RBFOX2: variants seen among roughly 807,000 people sequenced by gnomAD.
RBFOX2 encodes RNA binding fox-1 homolog 2.
RBFOX2 carries 10 observed loss-of-function variants against 49.1 expected under a neutral mutation model. The ratio of observed to expected loss-of-function variants is 0.20; its 90% CI spans 0.13 to 0.35. RBFOX2 has a LOEUF of 0.35. Among genes scored for constraint, RBFOX2 ranks in the 10% least tolerant of loss-of-function variants. The probability of loss-of-function intolerance (pLI) is 1.00; values close to 1 mark genes in which losing one functional copy is unlikely to be tolerated. For synonymous variants in RBFOX2, 183 were observed against 187.4 expected (o/e 0.98, Z 0.19); for missense variants, 323 against 486.9 (o/e 0.66, Z 3.17).
chr22:35,876,770 C>T (rs2045159725), intron 1 of RBFOX2, among the ~76,000 whole-genome samples: 1 of 150,442 alleles, frequency 6.6e-6, no homozygotes, highest in East Asian at 1.9e-4. Context: ...TGTTTCTAGA[C>T]CAGATATCAC....
chr22:35,820,158 G>C (rs1193786827), intron 1 of RBFOX2, among the ~76,000 whole-genome samples: 1 of 152,154 alleles, frequency 6.6e-6, no homozygotes, highest in Admixed American at 6.5e-5. Context: ...AGCCACTGCA[G>C]GGAGGTTAGC....
rs536660931 is a variant in RBFOX2 at position 35,852,866 on chromosome 22, T to G, written c.-33-42862A>C. On this transcript the variant is annotated intron_variant, in intron 1 of 13. Coordinates refer to the RBFOX2 transcript ENST00000359369. ...AGATGAAAGACTGTAATTCAAATCC[T>G]AAAACAACTGACATAATTTAAGCAT... Among the ~76,000 whole-genome samples the G allele has an allele frequency of 3.9e-5, 6 of 152,330 alleles. No homozygotes were observed. In the East Asian group the frequency reaches 1.2e-3, roughly 29 times the overall value.
At chr22:36,002,848 A>G (rs1445859367) in intron 1 of RBFOX2, among the ~76,000 whole-genome samples, 2 of 152,214 alleles carry the variant, frequency 1.3e-5, no homozygotes, top group African/African-American at 4.8e-5. Flanking sequence ...CTGGTCTCAA[A>G]CTTCTGACCT....
At chr22:36,005,788 G>C (rs555410179) in intron 1 of RBFOX2, among the ~76,000 whole-genome samples, 7 of 152,340 alleles carry the variant, frequency 4.6e-5, no homozygotes, top group Admixed American at 4.6e-4. Context: ...TAGCAAAGTA[G>C]AGCCAATCGT....
intron 2 of RBFOX2, among the ~76,000 whole-genome samples, chr22:35,802,866 C>T (rs984396591): frequency 1.3e-5 from 2 of 152,108 alleles, no homozygotes; most frequent in African/African-American, 4.8e-5. Context: ...GAGGTCTCAA[C>T]AGAAAGAAAA....
exon 1 of RBFOX2, chr22:35,840,232 A>G: frequency 6.2e-7 from 1 of 1,614,212 alleles, no homozygotes; most frequent in Non-Finnish European, 8.5e-7. Context: ...CCAAACGGAT[A>G]GATGATAAAC....
At chr22:35,775,489 C>T (rs1450084266) in intron 4 of RBFOX2, among the ~76,000 whole-genome samples, 2 of 152,142 alleles carry the variant, frequency 1.3e-5, no homozygotes, top group Non-Finnish European at 2.9e-5. Context: ...AGAGAAAGCT[C>T]ATGTCATTAC....
At chr22:35,782,016 A>C (rs9622286) in intron 2 of RBFOX2, among the ~76,000 whole-genome samples, 4,244 of 152,322 alleles carry the variant, frequency 0.028, 113 homozygotes, top group Admixed American at 0.087. Context: ...GGAAGTACTA[A>C]GTGACTTGCC....
intron 1 of RBFOX2, among the ~76,000 whole-genome samples, chr22:35,892,611 T>C (rs2047380293): frequency 6.6e-6 from 1 of 152,214 alleles, no homozygotes; most frequent in Non-Finnish European, 1.5e-5. Context: ...TTTTCTAGAA[T>C]ACTCAGAAAG....
intron 1 of RBFOX2, chr22:35,897,747 AT>A: frequency 1.3e-6 from 1 of 783,866 alleles, no homozygotes; most frequent in Admixed American, 1.7e-5. Flanking sequence ...ACCAACACAT[AT>A]TTGCAAAATA....
At chr22:35,813,835 A>G (rs1459733110) in intron 1 of RBFOX2, among the ~76,000 whole-genome samples, 1 of 152,232 alleles carries the variant, frequency 6.6e-6, no homozygotes, top group Non-Finnish European at 1.5e-5. Context: ...GCTAGAGAGC[A>G]TAACAAGGGA....
chr22:35,956,166 T>A (rs1203749173), intron 1 of RBFOX2, among the ~76,000 whole-genome samples: 2 of 152,174 alleles, frequency 1.3e-5, no homozygotes, highest in East Asian at 3.9e-4. Context: ...TGTTGACACA[T>A]CTCATTATAT....
At chr22:35,993,256 G>C (rs988566260) in intron 1 of RBFOX2, 3 of 152,182 alleles carry the variant, frequency 2.0e-5, no homozygotes, top group African/African-American at 7.2e-5. Flanking sequence ...TACTGAAATA[G>C]CAGCTGAGGG....
intron 4 of RBFOX2, among the ~76,000 whole-genome samples, chr22:35,777,403 C>T (rs1214858886): frequency 6.6e-6 from 1 of 152,162 alleles, no homozygotes; most frequent in African/African-American, 2.4e-5. Flanking sequence ...ACACTTACTA[C>T]TTTCATTCTT....
chr22:35,970,103 A>G (rs757951053), intron 1 of RBFOX2, among the ~76,000 whole-genome samples: 2 of 152,208 alleles, frequency 1.3e-5, no homozygotes, highest in African/African-American at 2.4e-5. Context: ...GAAAGATCCT[A>G]CTGGTGAATT....
In RBFOX2 at chr22:35,745,006, T is replaced by C. The variant is rs1343995767; in HGVS notation, c.1050-757A>G. On this transcript the variant is annotated intron_variant, in intron 11 of 11. Coordinates refer to ENST00000405409, the Ensembl canonical transcript of RBFOX2. ...TCAGGCACTTCTACCACTGCCGTTA[T>C]ATTGTAATGCTCTACTTCATTTATA... Among the ~76,000 whole-genome samples the C allele has an allele frequency of 3.3e-5, 5 of 152,356 alleles. No homozygotes were observed. The East Asian group carries it at 9.6e-4, about 29-fold the overall frequency.
chr22:35,753,914 C>T (rs1309827405), intron 9 of RBFOX2, among the ~76,000 whole-genome samples: 2 of 150,978 alleles, frequency 1.3e-5, no homozygotes, highest in Admixed American at 1.3e-4. Context: ...TCCCAAGTAG[C>T]TGAAACTACA....
chr22:35,892,347 C>G (rs974595715), intron 1 of RBFOX2, among the ~76,000 whole-genome samples: 1 of 152,092 alleles, frequency 6.6e-6, no homozygotes, highest in Admixed American at 6.5e-5. Flanking sequence ...ACTGACGCTA[C>G]CAAATTCACT....
intron 8 of RBFOX2, 121 bp from the exon 10 acceptor site, chr22:35,760,141 G>A: frequency 4.5e-6 from 6 of 1,320,300 alleles, no homozygotes; most frequent in African/African-American, 1.5e-5. Flanking sequence ...CACCTTTTTG[G>A]AAAAGGTGGC....
Sources: gnomAD v4.1 joint callset for allele counts (sites outside exome capture counted in the v4.1 genomes callset) on GRCh38, gnomAD v4.1.1 for gene constraint, MANE v1.5 for transcripts, NCBI Gene and HGNC (gene_info 2026-07-23, HGNC 2026-07-21) for gene names.